Variants in ATR observed in about 807,000 individuals in gnomAD.
ATR encodes the protein serine/threonine-protein kinase ATR.
Under a neutral mutation model 305.3 loss-of-function variants are expected in ATR, and 142 were observed. That is an observed-to-expected ratio of 0.47 (90% CI 0.41 to 0.53). ATR has a LOEUF of 0.53. Among genes scored for constraint, ATR ranks in the 20% least tolerant of loss-of-function variants. The pLI is 0.00. For synonymous variants in ATR, 1,050 were observed against 1,068.1 expected (o/e 0.98, Z 0.33); for missense variants, 2,135 against 3,133.1 (o/e 0.68, Z 7.60).
At chr3:142,459,810 C>T (rs1028980432) in intron 42 of ATR, among the ~76,000 whole-genome samples, 3 of 152,008 alleles carry the variant, frequency 2.0e-5, no homozygotes, top group African/African-American at 7.3e-5. Context: ...GGAGGGACCA[C>T]CGTACTTACC....
At chr3:142,482,648 A>G (rs1386891495) in intron 36 of ATR, among the ~76,000 whole-genome samples, 1 of 152,120 alleles carries the variant, frequency 6.6e-6, no homozygotes. Context: ...CCTGAGCAAC[A>G]TAGTGAGACC....
chr3:142,470,509 T>C (rs2071236560), intron 36 of ATR, among the ~76,000 whole-genome samples: 1 of 152,154 alleles, frequency 6.6e-6, no homozygotes, highest in East Asian at 1.9e-4. Context: ...TTGCATTCTT[T>C]GGCCATAAGC....
Position 142,468,487 on chromosome 3 carries a change from G to A in ATR, c.6553-419C>T, listed in dbSNP as rs138370274. On this transcript the variant is annotated intron_variant, in intron 38 of 46. Transcript: ENST00000350721. ...TAAAGTGAAAAATATGAAATTGTAC[G>A]GCAACATAATTAAATTTAGTGTTAA... Among the ~76,000 whole-genome samples the A allele has an allele frequency of 1.2e-3, 183 of 151,646 alleles. 2 individuals carry two copies. The highest frequency in any genetic ancestry group is 2.3e-3 in the African/African-American group (95 of 41,356).
At chr3:142,504,121 G>A (rs2032116769) in intron 29 of ATR, among the ~76,000 whole-genome samples, 1 of 152,174 alleles carries the variant, frequency 6.6e-6, no homozygotes, top group Non-Finnish European at 1.5e-5. Context: ...CCCAAAATTA[G>A]AAAGAATCTA....
At position 142,559,429 on chromosome 3, in the gene ATR, C is replaced by G. The variant is rs148605594; in HGVS notation, c.1554G>C (p.Lys518Asn). Residue 518 changes from lysine (K) to asparagine (N), a missense_variant, in exon 7 of 47, where the codon AAG becomes AAC. Around this residue, in one of 9 missense-constraint regions of ATR, gnomAD observed 744 missense variants for 873.2 expected, o/e 0.85. Transcript: ENST00000350721. ...SHQNMNCRTF[K>N]DCQHKSKKKP... ...TCTTCTTGGATTTATGTTGACAGTC[C>G]TTGAAAGTACGGCTGCAGTAAGTAC... The G allele has an allele frequency of 1.4e-5, 23 of 1,613,398 alleles. No homozygotes were observed. The highest frequency in any genetic ancestry group is 1.9e-5 in the Non-Finnish European group (23 of 1,179,716).
At chr3:142,495,473 G>A (rs1417080374) in intron 34 of ATR, among the ~76,000 whole-genome samples, 1 of 152,130 alleles carries the variant, frequency 6.6e-6, no homozygotes, top group African/African-American at 2.4e-5. Flanking sequence ...GGCCAGGCGC[G>A]GTGGCTCACG....
intron 36 of ATR, among the ~76,000 whole-genome samples, chr3:142,478,237 A>G (rs147812234): frequency 0.13 from 19,397 of 151,722 alleles, 1,341 homozygotes; most frequent in Non-Finnish European, 0.16. Context: ...AGTGCTATAA[A>G]TTTCCCTCTA....
Position 142,510,731 on chromosome 3 carries a change from G to A in ATR, c.4852+1529C>T, listed in dbSNP as rs550136941. Among the ~76,000 whole-genome samples the A allele has an allele frequency of 2.6e-5, 4 of 151,602 alleles. No individual in the cohort carries two copies. The South Asian group carries it at 8.3e-4, about 31-fold the overall frequency. On this transcript the variant is annotated intron_variant, in intron 27 of 46. Coordinates refer to ENST00000350721, the MANE Select transcript of ATR (RefSeq NM_001184.4). ...TTTCAATTAGCCTGAAAGCCTGAAG[G>A]AAAAATACTTGATGTCTGTGAGAAC...
intron 35 of ATR, among the ~76,000 whole-genome samples, chr3:142,486,442 T>C (rs1157452965): frequency 2.0e-5 from 3 of 152,166 alleles, no homozygotes; most frequent in African/African-American, 4.8e-5. Context: ...CCTGCCTGTC[T>C]TCCTGCCTTC....
At chr3:142,489,989 C>G (rs1014054889) in intron 35 of ATR, among the ~76,000 whole-genome samples, 4 of 152,126 alleles carry the variant, frequency 2.6e-5, no homozygotes, top group Admixed American at 1.3e-4. Flanking sequence ...TGTTAAGCAT[C>G]TTTTCATTTG....
rs79174289 is a variant in ATR, at chr3:142,467,672, T to C, written c.6687+262A>G. On this transcript the variant is annotated intron_variant, in intron 39 of 46. Transcript: ENST00000350721. ...CTCTACTAAAAATTGCTGAGAAACA[T>C]GGATATCTACTCTCGGAAAATTCTT... Among the ~76,000 whole-genome samples, 4,241 of 152,232 alleles carry C rather than the reference T, an allele frequency of 0.028. 182 individuals carry two copies. The highest frequency in any genetic ancestry group is 0.097 in the African/African-American group (4,013 of 41,540).
At chr3:142,523,196 C>A (rs775071413) in intron 22 of ATR, among the ~76,000 whole-genome samples, 12 of 152,084 alleles carry the variant, frequency 7.9e-5, no homozygotes, top group Middle Eastern at 3.4e-3. Flanking sequence ...CCAAGGAGAG[C>A]GGATCATGAG....
In ATR at chr3:142,499,141, A is replaced by T. The variant is rs1240406078; in HGVS notation, c.5381-367T>A. On this transcript the variant is annotated intron_variant, in intron 31 of 46. Transcript: ENST00000350721. ...AGCAATCCTCCCACCTTGGCCTCCCAAAACACTGAGATTACAGGTGTGAGC... is the reference window on the plus strand; with the variant it reads ...AGCAATCCTCCCACCTTGGCCTCCCTAAACACTGAGATTACAGGTGTGAGC... 3 of 383,730 alleles carry T rather than the reference A, an allele frequency of 7.8e-6. No individual in the cohort carries two copies. The East Asian group carries it at 2.0e-4, about 25-fold the overall frequency. 23.8% of individuals were successfully genotyped at this position (383,730 alleles called of 1,614,324 possible). A position where few individuals can be genotyped will look rare whatever the true frequency, so the allele number is the denominator to read the frequency against.
At chr3:142,450,273 T>C (rs111385995) in intron 46 of ATR, 12,787 of 751,240 alleles carry the variant, frequency 0.017, 181 homozygotes, top group South Asian at 0.034. Context: ...ACTTTCCCTT[T>C]TGCAGTTGCA....
chr3:142,534,657 C>T (rs910447836), intron 21 of ATR, among the ~76,000 whole-genome samples: 9 of 151,984 alleles, frequency 5.9e-5, no homozygotes, highest in African/African-American at 2.2e-4. Context: ...TTCACTCACC[C>T]CTTGAAAAAG....
chr3:142,522,805 A>G lies in ATR; in HGVS notation c.4189T>C (p.Leu1397=), dbSNP rs760473453. The change falls in exon 23 of 47, where the codon TTG becomes CTG. Residue 1397 remains leucine, a synonymous_variant. Coordinates refer to ENST00000350721, the MANE Select transcript of ATR (RefSeq NM_001184.4). The stretch of plus-strand genomic sequence containing the variant: ...AGGTAAGCTCTTGTTAGCTCCATCA[A>G]TAATCCATAGGCAAAGCTTGAATCT... The part of the protein sequence containing the change: ...VEDSSFAYGL[L]MELTRAYLAY... 3.7e-6 allele frequency: 6 copies of G among 1,613,876 alleles called. No individual in the cohort carries two copies. The highest frequency in any genetic ancestry group is 1.1e-5 in the South Asian group (1 of 91,068).
chr3:142,519,333 G>T (rs561994101), intron 24 of ATR, among the ~76,000 whole-genome samples: 28 of 148,004 alleles, frequency 1.9e-4, no homozygotes, highest in African/African-American at 7.0e-4. Context: ...ACAAAGTCTC[G>T]CTCTGTCACC....
intron 1 of ATR, among the ~76,000 whole-genome samples, chr3:142,568,634 G>GCAGC: frequency 6.6e-6 from 1 of 152,304 alleles, no homozygotes; most frequent in East Asian, 1.9e-4. Context: ...GGGTGCAGCT[G>GCAGC]CAGCCGCCCA....
chr3:142,449,541 C>G lies in ATR; in HGVS notation c.7823G>C (p.Arg2608Thr). 1 of 1,614,098 alleles carries G rather than the reference C, an allele frequency of 6.2e-7. No individual in the cohort carries two copies. Among genetic ancestry groups the G allele is most frequent in the Non-Finnish European group, 8.5e-7 (1 of 1,179,960 alleles). Reference protein sequence around the residue: ...RLQGVIKTRNRVTGLPLSIEG... With the variant: ...RLQGVIKTRNTVTGLPLSIEG... ...AATAGATAACGGCAGTCCTGTCACT[C>G]TATTTCGAGTCTTGATTACACCTTG... is the stretch of plus-strand genomic sequence containing the variant. The change falls in exon 47 of 47, where the codon AGA (arginine) becomes ACA (threonine). Residue 2608 changes from arginine (R) to threonine (T), a missense_variant. Arg to Thr is a moderately conservative substitution (Grantham distance 71). Coordinates refer to ENST00000350721, the MANE Select transcript of ATR (RefSeq NM_001184.4).
Sources: allele counts gnomAD v4.1 joint callset (sites outside exome capture counted in the v4.1 genomes callset), GRCh38; gene constraint gnomAD v4.1.1; regional missense constraint gnomAD v4.1.1; transcripts MANE v1.5; gene names NCBI Gene and HGNC (gene_info 2026-07-23, HGNC 2026-07-21).